The following SPINT2 variants were observed in gnomAD, a reference collection of about 807,000 sequenced individuals.
SPINT2 encodes serine peptidase inhibitor, Kunitz type 2.
SPINT2 carries 18 observed loss-of-function variants against 30.1 expected under a neutral mutation model. That is an observed-to-expected ratio of 0.60 (90% confidence interval 0.41 to 0.89). SPINT2 has a LOEUF of 0.89. Ranked by LOEUF, SPINT2 falls within the 40% of genes least tolerant of loss-of-function variation. The probability of loss-of-function intolerance (pLI) is 0.00; values close to 1 mark genes in which losing one functional copy is unlikely to be tolerated. For synonymous variants in SPINT2, 139 were observed against 137.9 expected (o/e 1.01, Z -0.05); for missense variants, 276 against 334.3 (o/e 0.83, Z 1.36).
chr19:38,279,296 C>G (rs34789649), intron 1 of SPINT2, among the ~76,000 whole-genome samples: 15 of 151,450 alleles, frequency 9.9e-5, no homozygotes, highest in Non-Finnish European at 2.1e-4. Context: ...GTCAGGAGTT[C>G]GAGACCAGCC....
At chr19:38,265,257 G>C (rs1280652382) in intron 1 of SPINT2, 1 of 368,814 alleles carries the variant, frequency 2.7e-6, no homozygotes, top group African/African-American at 2.2e-5. Flanking sequence ...TATTGACCAA[G>C]AAGGCGTGGC....
chr19:38,268,572 G>A (rs1319283595), intron 1 of SPINT2, among the ~76,000 whole-genome samples: 1 of 152,194 alleles, frequency 6.6e-6, no homozygotes, highest in African/African-American at 2.4e-5. Context: ...TCAGGCAGGA[G>A]ATATGCCATT....
intron 3 of SPINT2, chr19:38,288,616 TC>T (rs1968672715): frequency 2.1e-5 from 4 of 194,006 alleles, no homozygotes; most frequent in Non-Finnish European, 4.3e-5. Flanking sequence ...AGGATGGGAC[TC>T]CCCCGGCAGC....
chr19:38,290,630 C>G lies in SPINT2; in HGVS notation c.592+55C>G. On this transcript the variant is annotated intron_variant, in intron 6 of 6. Transcript: ENST00000301244. The surrounding 1 kb of genome is among the most constrained non-coding windows in gnomAD (Gnocchi z 4.3). ...TCAGCCTGCCTCCTCCCTTCCTTGACTGAGCTCAGCCCTGCCCAGCTGTGG... is the reference window on the plus strand; with the variant it reads ...TCAGCCTGCCTCCTCCCTTCCTTGAGTGAGCTCAGCCCTGCCCAGCTGTGG... 1 of 1,596,052 alleles carries G rather than the reference C, an allele frequency of 6.3e-7. No individual in the cohort carries two copies.
intron 2 of SPINT2, among the ~76,000 whole-genome samples, chr19:38,286,904 A>G (rs1367625078): frequency 1.3e-5 from 2 of 152,068 alleles, no homozygotes; most frequent in Non-Finnish European, 2.9e-5. Flanking sequence ...CCTGGCCTCA[A>G]GTGATGCCCC....
intron 6 of SPINT2, chr19:38,291,636 C>T (rs1968720180): frequency 1.6e-6 from 1 of 607,864 alleles, no homozygotes; most frequent in Non-Finnish European, 2.8e-6. Flanking sequence ...TAGCATGGCG[C>T]CTCCTTTTTT....
Position 38,291,994 on chromosome 19 carries a change from A to C in SPINT2, c.747A>C (p.Thr249=). ...ACAAGGAGCAGCTGGTGAAGAACAC[A>C]TATGTCCTGTGACCGCCCTGTCGCC... ...GDDKEQLVKN[T]YVL Residue 249 remains threonine (T), a synonymous_variant, in exon 7 of 7, where the codon ACA becomes ACC. Transcript: ENST00000301244. 2 of 1,614,086 alleles carry C rather than the reference A, an allele frequency of 1.2e-6. No homozygotes were observed. Among genetic ancestry groups the C allele is most frequent in the Non-Finnish European group, 1.7e-6 (2 of 1,180,016 alleles).
chr19:38,266,346 A>G lies in SPINT2; in HGVS notation c.106+1348A>G, dbSNP rs997111354. ...AGCCAAGATCGCGCCACTGCATTCC[A>G]GCTTGGGCAACAAGAGTGAAACTCC... On this transcript the variant is annotated intron_variant, in intron 1 of 6. Coordinates refer to ENST00000301244, the MANE Select transcript of SPINT2 (RefSeq NM_021102.4). Among the ~76,000 whole-genome samples the G allele has an allele frequency of 9.2e-5, 14 of 151,766 alleles. 1 individual carries two copies. The highest frequency in any genetic ancestry group is 3.1e-4 in the African/African-American group (13 of 41,360).
In SPINT2 at chr19:38,286,598, G is replaced by A. The variant is rs994785501; in HGVS notation, c.278-1278G>A. Among the ~76,000 whole-genome samples, 4 of 152,126 alleles carry A rather than the reference G, an allele frequency of 2.6e-5. No individual in the cohort carries two copies. In the East Asian group the frequency reaches 5.8e-4, roughly 22 times the overall value. On this transcript the variant is annotated intron_variant, in intron 2 of 6. Transcript: ENST00000301244. The stretch of plus-strand genomic sequence containing the variant: ...GATCGAGACCATCCTGGCTAACACG[G>A]TGAAACTCCGTCTCTACTCAAAATA...
chr19:38,276,193 G>GGGA (rs928603576), intron 1 of SPINT2, among the ~76,000 whole-genome samples: 4 of 152,128 alleles, frequency 2.6e-5, no homozygotes, highest in Non-Finnish European at 4.4e-5. Context: ...ACAGATGGGT[G>GGGA]GGAGGAGGAG....
chr19:38,277,021 C>T (rs953337335), intron 1 of SPINT2, among the ~76,000 whole-genome samples: 2 of 151,818 alleles, frequency 1.3e-5, no homozygotes, highest in East Asian at 2.0e-4. Flanking sequence ...AGGCTGGTCT[C>T]GAACTCCTAA....
At chr19:38,283,003 TG>T (rs1255758189) in intron 1 of SPINT2, among the ~76,000 whole-genome samples, 64 of 126,026 alleles carry the variant, frequency 5.1e-4, no homozygotes, top group Admixed American at 2.0e-3. Flanking sequence ...GGTTTTGTTT[TG>T]TTTTTTTTTT....
At chr19:38,291,767 G>A in intron 6 of SPINT2, 73 bp from the exon 7 acceptor site, 1 of 1,564,140 alleles carries the variant, frequency 6.4e-7, no homozygotes, top group Non-Finnish European at 8.7e-7. Flanking sequence ...GATTCCCCAG[G>A]CCCTTGGTGA....
At chr19:38,269,498 T>G (rs966370922) in intron 1 of SPINT2, among the ~76,000 whole-genome samples, 10 of 148,156 alleles carry the variant, frequency 6.7e-5, no homozygotes, top group African/African-American at 2.2e-4. Context: ...CTCTGCCTCC[T>G]GGGTTCAAGT....
chr19:38,277,005 T>C (rs997365345), intron 1 of SPINT2, among the ~76,000 whole-genome samples: 3 of 151,844 alleles, frequency 2.0e-5, no homozygotes, highest in Non-Finnish European at 2.9e-5. Flanking sequence ...TTTCACCATA[T>C]TGGCCAGGCT....
rs1047103251 is a variant in SPINT2 at position 38,292,074 on chromosome 19, G to C, written c.*68G>C. On this transcript the variant is annotated 3_prime_UTR_variant, in exon 7 of 7. Transcript: ENST00000301244. ...TGTGTGAGCTTTTTTTAAATAGAGG[G>C]ATTGACTCGGATTTGAGTGATCATT... is the stretch of plus-strand genomic sequence containing the variant. The C allele has an allele frequency of 9.5e-6, 15 of 1,571,198 alleles. No homozygotes were observed. In the East Asian group the frequency reaches 3.5e-4, roughly 36 times the overall value.
chr19:38,266,847 A>G (rs1211399005), intron 1 of SPINT2, among the ~76,000 whole-genome samples: 1 of 152,276 alleles, frequency 6.6e-6, no homozygotes, highest in East Asian at 1.9e-4. Flanking sequence ...CATTCTTGCA[A>G]TTCGAACCAG....
chr19:38,289,125 G>A lies in SPINT2; in HGVS notation c.338-13G>A, dbSNP rs1968679322. ...CCGGCCCAGCCTCCCTAACACAGAT[G>A]TTTGTGTTTCAGCTCCCAGAAGGCA... On this transcript the variant is annotated splice_polypyrimidine_tract_variant and intron_variant, in intron 3 of 6. Transcript: ENST00000301244. 1 of 1,613,558 alleles carries A rather than the reference G, an allele frequency of 6.2e-7. No individual in the cohort carries two copies. The highest frequency in any genetic ancestry group is 1.7e-5 in the Admixed American group (1 of 60,000).
chr19:38,268,766 C>CGTGTGTGT lies in SPINT2; in HGVS notation c.106+3785_106+3792dup, dbSNP rs10526704. Among the ~76,000 whole-genome samples, 877 of 149,914 alleles carry CGTGTGTGT rather than the reference C, an allele frequency of 5.9e-3. 5 individuals are homozygous for CGTGTGTGT. Among genetic ancestry groups the CGTGTGTGT allele is most frequent in the African/African-American group, 0.02 (825 of 40,730 alleles). ...GACAGAGAGAGAGCATGCGCGCGCG[C>CGTGTGTGT]GTGTGTGTGTGTGTGTGTGTGTGTT... On this transcript the variant is annotated intron_variant, in intron 1 of 6. Coordinates refer to ENST00000301244, the MANE Select transcript of SPINT2 (RefSeq NM_021102.4).
Sources: allele counts gnomAD v4.1 joint callset (sites outside exome capture counted in the v4.1 genomes callset), GRCh38; gene constraint gnomAD v4.1.1; non-coding constraint Gnocchi (gnomAD v3.1); transcripts MANE v1.5; gene names NCBI Gene and HGNC (gene_info 2026-07-23, HGNC 2026-07-21).